The following RYR2 variants were observed in gnomAD, a reference collection of about 807,000 sequenced individuals.
The protein encoded by RYR2 is cardiac muscle ryanodine receptor-calcium release channel.
A neutral mutation model predicts 601.1 loss-of-function variants in RYR2; 227 were observed. The ratio of observed to expected loss-of-function variants is 0.38; its 90% confidence interval spans 0.34 to 0.42. The LOEUF is 0.42. RYR2 is among the 10% of genes least tolerant of loss of function. The probability of loss-of-function intolerance (pLI) is 1.00; values close to 1 mark genes in which losing one functional copy is unlikely to be tolerated. For synonymous variants in RYR2, 2,223 were observed against 2,175.1 expected, an observed-to-expected ratio of 1.02 and a Z score of -0.61; for missense variants, 4,646 against 6,156.5, an observed-to-expected ratio of 0.75 and a Z score of 8.21.
chr1:237,070,587 G>A (rs988927701), intron 1 of RYR2, among the ~76,000 whole-genome samples: 7 of 152,054 alleles, frequency 4.6e-5, no homozygotes, highest in South Asian at 2.1e-4. Context: ...GGCTTATTTC[G>A]CCCACATGGC....
intron 24 of RYR2, among the ~76,000 whole-genome samples, chr1:237,527,459 G>C (rs972929612): frequency 6.6e-6 from 1 of 152,092 alleles, no homozygotes; most frequent in African/African-American, 2.4e-5. Flanking sequence ...GAAGCATATA[G>C]TGCACCCCAA....
intron 16 of RYR2, among the ~76,000 whole-genome samples, chr1:237,464,664 T>G (rs1003393818): frequency 6.6e-6 from 1 of 152,192 alleles, no homozygotes; most frequent in African/African-American, 2.4e-5. Flanking sequence ...AAGAAATTTC[T>G]AAAAAACACA....
intron 81 of RYR2, 61 bp from the exon 82 acceptor site, chr1:237,757,636 A>T: frequency 9.6e-7 from 1 of 1,046,278 alleles, no homozygotes; most frequent in Non-Finnish European, 1.5e-6. Context: ...CATTGGAGGT[A>T]GAATAGGTTA....
intron 1 of RYR2, among the ~76,000 whole-genome samples, chr1:237,045,869 GTTTTTT>G (rs768636054): frequency 8.1e-4 from 46 of 56,944 alleles, no homozygotes; most frequent in Middle Eastern, 0.014. Flanking sequence ...CTTGGTCAAG[GTTTTTT>G]TTTTTTTTTT....
chr1:237,765,671 A>G (rs540790811), intron 84 of RYR2, among the ~76,000 whole-genome samples: 1 of 152,342 alleles, frequency 6.6e-6, no homozygotes, highest in African/African-American at 2.4e-5. Context: ...AAATACTTTC[A>G]CAAGTGTAGT....
At chr1:237,356,756 C>CT (rs1396796166) in intron 4 of RYR2, among the ~76,000 whole-genome samples, 2 of 152,118 alleles carry the variant, frequency 1.3e-5, no homozygotes, top group Non-Finnish European at 2.9e-5. Context: ...CCTTCCAATA[C>CT]TTAACACACC....
intron 79 of RYR2, among the ~76,000 whole-genome samples, chr1:237,736,170 A>G (rs72751297): frequency 0.023 from 3,484 of 152,268 alleles, 77 homozygotes; most frequent in Admixed American, 0.052. Context: ...TTAAAAGATA[A>G]AAGGATAGGG....
chr1:237,263,111 A>G (rs1688704366), intron 1 of RYR2, among the ~76,000 whole-genome samples: 1 of 152,168 alleles, frequency 6.6e-6, no homozygotes, highest in South Asian at 2.1e-4. Flanking sequence ...AATTTGTCAC[A>G]GCAATAATAG....
At chr1:237,289,358 C>T (rs4659781) in intron 2 of RYR2, among the ~76,000 whole-genome samples, 116,134 of 152,128 alleles carry the variant, frequency 0.76, 44,632 homozygotes, top group Middle Eastern at 0.9. Context: ...AGTCCTTTCT[C>T]ATGCTGCTAA....
At chr1:237,057,208 C>G (rs769715946) in intron 1 of RYR2, among the ~76,000 whole-genome samples, 1 of 151,448 alleles carries the variant, frequency 6.6e-6, no homozygotes. Flanking sequence ...TTTTTTTGGA[C>G]GGAATCTTGC....
At chr1:237,391,133 T>C (rs2149867165) in intron 10 of RYR2, among the ~76,000 whole-genome samples, 1 of 152,268 alleles carries the variant, frequency 6.6e-6, no homozygotes, top group East Asian at 1.9e-4. Context: ...CTAAATCTTG[T>C]TAATACCATT....
chr1:237,477,693 A>G (rs1392347189), intron 17 of RYR2, among the ~76,000 whole-genome samples: 3 of 152,192 alleles, frequency 2.0e-5, no homozygotes, highest in African/African-American at 7.2e-5. Context: ...CCTAAGGTAC[A>G]TTGTCATGGC....
intron 46 of RYR2, 97 bp downstream of exon 46, chr1:237,639,298 G>T: frequency 8.5e-7 from 1 of 1,173,664 alleles, no homozygotes; most frequent in Non-Finnish European, 1.2e-6. Context: ...AATATAACTT[G>T]TGGTACAGAA....
chr1:237,465,402 C>T (rs1341953465), intron 16 of RYR2, among the ~76,000 whole-genome samples: 1 of 152,058 alleles, frequency 6.6e-6, no homozygotes, highest in Non-Finnish European at 1.5e-5. Flanking sequence ...AAGAGTTCCT[C>T]TTGTTTTGTG....
chr1:237,478,533 C>A (rs1395612413), intron 17 of RYR2, among the ~76,000 whole-genome samples: 1 of 152,168 alleles, frequency 6.6e-6, no homozygotes, highest in Non-Finnish European at 1.5e-5. Flanking sequence ...AAGGTTTTCC[C>A]ATGTTCACAC....
At chr1:237,510,717 A>G (rs1246673799) in intron 23 of RYR2, among the ~76,000 whole-genome samples, 2 of 152,210 alleles carry the variant, frequency 1.3e-5, no homozygotes, top group Non-Finnish European at 1.5e-5. Context: ...CTGACAGCAT[A>G]TGGCTGCCAT....
chr1:237,483,929 T>C (rs543433157), intron 17 of RYR2, among the ~76,000 whole-genome samples: 3 of 152,322 alleles, frequency 2.0e-5, no homozygotes, highest in East Asian at 3.9e-4. Context: ...TTGAATAATT[T>C]GTAATTAATT....
At position 237,393,940 on chromosome 1, in the gene RYR2, G is replaced by T. The variant is rs182675065; in HGVS notation, c.773+5757G>T. Among the ~76,000 whole-genome samples the T allele has an allele frequency of 2.6e-5, 4 of 152,274 alleles. No individual in the cohort carries two copies. In the East Asian group the frequency reaches 5.8e-4, roughly 22 times the overall value. ...TAACACAAGATTAAAAACATTCATA[G>T]GAATTTGAGCTGTTGGATCTTGGCA... is the stretch of plus-strand genomic sequence containing the variant. On this transcript the variant is annotated intron_variant, in intron 10 of 104. Transcript: ENST00000366574.
intron 2 of RYR2, among the ~76,000 whole-genome samples, chr1:237,303,928 C>T (rs1449532737): frequency 1.3e-5 from 2 of 152,188 alleles, no homozygotes; most frequent in African/African-American, 4.8e-5. Flanking sequence ...GTAATTCCAA[C>T]CACCACAGCC....
Sources: allele counts gnomAD v4.1 joint callset (sites outside exome capture counted in the v4.1 genomes callset), GRCh38; gene constraint gnomAD v4.1.1; transcripts MANE v1.5; gene names NCBI Gene and HGNC (gene_info 2026-07-23, HGNC 2026-07-21).